Variants in RFX2 observed in about 807,000 individuals in gnomAD.
RFX2 encodes DNA-binding protein RFX2.
A neutral mutation model predicts 87.8 loss-of-function variants in RFX2; 20 were observed. The ratio of observed to expected loss-of-function variants is 0.23; its 90% CI spans 0.16 to 0.33. The LOEUF (loss-of-function observed/expected upper bound fraction) is 0.33. Ranked by LOEUF, RFX2 falls within the 10% of genes least tolerant of loss-of-function variation. RFX2 has a pLI of 1.00. For synonymous variants in RFX2, 397 were observed against 431.3 expected (o/e 0.92, Z 0.98); for missense variants, 767 against 1,012.3 (o/e 0.76, Z 3.29).
chr19:6,080,964 A>G (rs1021308090), intron 1 of RFX2, among the ~76,000 whole-genome samples: 10 of 148,674 alleles, frequency 6.7e-5, no homozygotes, highest in Non-Finnish European at 1.0e-4. Flanking sequence ...TGAACCTGGG[A>G]GGTGAAGGTT....
chr19:6,009,994 CT>C, intron 9 of RFX2, 141 bp downstream of exon 9: 1 of 516,968 alleles, frequency 1.9e-6, no homozygotes, highest in Non-Finnish European at 3.4e-6. Context: ...TTATCGAAAA[CT>C]TTCTATTTGT....
rs1049741893 is a variant in RFX2 at position 5,998,079 on chromosome 19, G to T, written c.1860-866C>A. Reference sequence around the variant, plus strand: ...TCCCAGCACTTTGGGAGGCCAGGGCGGGCAGATCACTTGGGGTCAGGAGTT... The same window carrying T: ...TCCCAGCACTTTGGGAGGCCAGGGCTGGCAGATCACTTGGGGTCAGGAGTT... On this transcript the variant is annotated intron_variant, in intron 15 of 17. Coordinates refer to ENST00000303657, the MANE Select transcript of RFX2 (RefSeq NM_000635.4). The surrounding 1 kb of genome is among the most constrained non-coding windows in gnomAD (Gnocchi z 4.2). Among the ~76,000 whole-genome samples the T allele has an allele frequency of 1.3e-5, 2 of 152,046 alleles. No individual in the cohort carries two copies. The highest frequency in any genetic ancestry group is 4.8e-5 in the African/African-American group (2 of 41,412).
At position 6,061,663 on chromosome 19, in the gene RFX2, T is replaced by C. The variant is rs201703474; in HGVS notation, c.-8-14159A>G. Reference sequence around the variant, plus strand: ...TTGCAACCTCCATTATTTATATAAATAAGAACAAATGCCAAGGGGAATGCC... The same window carrying C: ...TTGCAACCTCCATTATTTATATAAACAAGAACAAATGCCAAGGGGAATGCC... On this transcript the variant is annotated intron_variant, in intron 1 of 17. Transcript: ENST00000303657. This position sits in a 1 kb window ranked among gnomAD's most constrained non-coding sequence, Gnocchi z 5.2. 8.5e-5 allele frequency among the ~76,000 whole-genome samples: 13 copies of C among 152,234 alleles called. No homozygotes were observed. In the East Asian group the frequency reaches 2.5e-3, roughly 29 times the overall value.
At chr19:6,052,568 A>G (rs114406876) in intron 1 of RFX2, among the ~76,000 whole-genome samples, 141 of 152,310 alleles carry the variant, frequency 9.3e-4, no homozygotes, top group Middle Eastern at 3.4e-3. Context: ...CATTTAGAGA[A>G]CACTACAATC....
At chr19:6,073,698 T>C (rs1222413067) in intron 1 of RFX2, among the ~76,000 whole-genome samples, 1 of 152,180 alleles carries the variant, frequency 6.6e-6, no homozygotes. Context: ...TGAAGCTTAC[T>C]GTAGAGTGGA....
chr19:6,093,178 T>C (rs933946606), intron 1 of RFX2, among the ~76,000 whole-genome samples: 18 of 152,246 alleles, frequency 1.2e-4, no homozygotes, highest in Middle Eastern at 3.4e-3. Flanking sequence ...CAAATATATT[T>C]GGACACGGGT....
At position 6,005,394 on chromosome 19, in the gene RFX2, C is replaced by T. The variant is rs575591557; in HGVS notation, c.1403-1096G>A. 1.4e-4 allele frequency among the ~76,000 whole-genome samples: 22 copies of T among 152,314 alleles called. No individual in the cohort carries two copies. In the Middle Eastern group the frequency reaches 0.01, roughly 71 times the overall value. On this transcript the variant is annotated intron_variant, in intron 12 of 17. Coordinates refer to ENST00000303657, the MANE Select transcript of RFX2 (RefSeq NM_000635.4). ...GGCCCGGATGTTTGTGGATGGACTGCGGGGCATGGCCTGTGGTCCTGATGC... is the reference window on the plus strand; with the variant it reads ...GGCCCGGATGTTTGTGGATGGACTGTGGGGCATGGCCTGTGGTCCTGATGC...
At chr19:6,085,614 T>C (rs927654344) in intron 1 of RFX2, among the ~76,000 whole-genome samples, 1 of 152,242 alleles carries the variant, frequency 6.6e-6, no homozygotes, top group Non-Finnish European at 1.5e-5. Context: ...TTTTGAACGC[T>C]GATGGCCTAA....
rs2087093851 is a variant in RFX2 at position 6,040,614 on chromosome 19, C to G, written c.261-373G>C. On this transcript the variant is annotated intron_variant, in intron 4 of 17. Coordinates refer to ENST00000303657, the MANE Select transcript of RFX2 (RefSeq NM_000635.4). The surrounding 1 kb of genome is among the most constrained non-coding windows in gnomAD (Gnocchi z 6.1). ...TCTCTACAAAAAATAAAAGATTTAG[C>G]CAGGTGTGGTGGTGCGTGCCGGTAG... is the stretch of plus-strand genomic sequence containing the variant. 6.6e-6 allele frequency among the ~76,000 whole-genome samples: 1 copy of G among 152,048 alleles called. No individual in the cohort carries two copies. The highest frequency in any genetic ancestry group is 2.1e-4 in the South Asian group (1 of 4,834).
chr19:6,099,515 ATTTT>A (rs565382038), intron 1 of RFX2, among the ~76,000 whole-genome samples: 1 of 146,426 alleles, frequency 6.8e-6, no homozygotes, highest in Non-Finnish European at 1.5e-5. Context: ...GGGCTGCGTG[ATTTT>A]TTTTTTTTTA....
Position 6,013,192 on chromosome 19 carries a change from T to C in RFX2, c.780-87A>G. The stretch of plus-strand genomic sequence containing the variant: ...TGGGATTCTTTTTCTTTCTTTCTTC[T>C]TTTTTTTTTTTGAGACAGAATCTCA... On this transcript the variant is annotated intron_variant, in intron 7 of 17. Coordinates refer to ENST00000303657, the MANE Select transcript of RFX2 (RefSeq NM_000635.4). This position sits in a 1 kb window ranked among gnomAD's most constrained non-coding sequence, Gnocchi z 4.1. 6 of 443,100 alleles carry C rather than the reference T, an allele frequency of 1.4e-5. No homozygotes were observed. The highest frequency in any genetic ancestry group is 4.9e-4 in the Middle Eastern group (1 of 2,040). 27.4% of individuals were successfully genotyped at this position (443,100 alleles called of 1,614,324 possible).
chr19:6,010,564 T>C lies in RFX2; in HGVS notation c.900-313A>G, dbSNP rs2086648025. ...TGTCCCCAGCCCCTGGCACCCCTGA[T>C]CTGACTTCCCGTCTCTGTGAATCTG... is the stretch of plus-strand genomic sequence containing the variant. On this transcript the variant is annotated intron_variant, in intron 8 of 17. Coordinates refer to ENST00000303657, the MANE Select transcript of RFX2 (RefSeq NM_000635.4). This position sits in a 1 kb window ranked among gnomAD's most constrained non-coding sequence, Gnocchi z 5.0. Among the ~76,000 whole-genome samples the C allele has an allele frequency of 1.3e-5, 2 of 152,122 alleles. No homozygotes were observed. Among genetic ancestry groups the C allele is most frequent in the Non-Finnish European group, 2.9e-5 (2 of 68,018 alleles).
chr19:6,023,410 AC>A lies in RFX2; in HGVS notation c.597+2752del, dbSNP rs756365764. Among the ~76,000 whole-genome samples, 2 of 152,114 alleles carry A rather than the reference AC, an allele frequency of 1.3e-5. No homozygotes were observed. Among genetic ancestry groups the A allele is most frequent in the Non-Finnish European group, 2.9e-5 (2 of 68,024 alleles). Reference sequence around the variant, plus strand: ...GGGACAATCGTTGCAAGGGCACGTCACCCCGTCCATCAGCAGATCACGTGCT... The same window carrying A: ...GGGACAATCGTTGCAAGGGCACGTCACCCGTCCATCAGCAGATCACGTGCT... On this transcript the variant is annotated intron_variant, in intron 6 of 17. Transcript: ENST00000303657. The surrounding 1 kb of genome is among the most constrained non-coding windows in gnomAD (Gnocchi z 4.9).
chr19:6,093,041 G>T (rs138314779), intron 1 of RFX2, among the ~76,000 whole-genome samples: 3 of 152,258 alleles, frequency 2.0e-5, no homozygotes, highest in African/African-American at 7.2e-5. Flanking sequence ...GACAAAAGTG[G>T]AAAGTCACCT....
intron 1 of RFX2, among the ~76,000 whole-genome samples, chr19:6,053,402 C>G (rs1283959965): frequency 6.6e-6 from 1 of 152,152 alleles, no homozygotes; most frequent in Non-Finnish European, 1.5e-5. Flanking sequence ...CTGTATGGCA[C>G]TATAATGGTG....
chr19:6,042,015 C>T lies in RFX2; in HGVS notation c.260+29G>A, dbSNP rs765146592. 50 of 1,597,686 alleles carry T rather than the reference C, an allele frequency of 3.1e-5. 1 individual carries two copies. Among genetic ancestry groups the T allele is most frequent in the South Asian group, 2.8e-4 (25 of 90,724 alleles). On this transcript the variant is annotated intron_variant, in intron 4 of 17. Transcript: ENST00000303657. Reference sequence around the variant, plus strand: ...AAGGCTGGAGTCAGGGAGAGGGTTCCGGGTGTGGCCCGCGGGAGAAGCACG... The same window carrying T: ...AAGGCTGGAGTCAGGGAGAGGGTTCTGGGTGTGGCCCGCGGGAGAAGCACG...
chr19:5,997,709 G>A lies in RFX2; in HGVS notation c.1860-496C>T, dbSNP rs925580011. ...CAGGCACCTAAAAACAAGACAAAAA[G>A]CCAGGGTGCTTTAGTCTCTGTCAGC... On this transcript the variant is annotated intron_variant, in intron 15 of 17. Transcript: ENST00000303657. The surrounding 1 kb of genome is among the most constrained non-coding windows in gnomAD (Gnocchi z 4.2). 1.3e-5 allele frequency among the ~76,000 whole-genome samples: 2 copies of A among 152,132 alleles called. No homozygotes were observed. Among genetic ancestry groups the A allele is most frequent in the African/African-American group, 4.8e-5 (2 of 41,408 alleles).
At chr19:6,097,207 T>C (rs2088042845) in intron 1 of RFX2, among the ~76,000 whole-genome samples, 1 of 152,174 alleles carries the variant, frequency 6.6e-6, no homozygotes, top group Non-Finnish European at 1.5e-5. Flanking sequence ...AGCCTTGGAC[T>C]AGACCCTGGG....
chr19:6,102,801 G>A (rs944471679), intron 1 of RFX2, among the ~76,000 whole-genome samples: 10 of 152,120 alleles, frequency 6.6e-5, no homozygotes, highest in Non-Finnish European at 4.4e-5. Context: ...TGTCTCTACT[G>A]TTCAATTTTT....
Sources: gnomAD v4.1 joint callset for allele counts (sites outside exome capture counted in the v4.1 genomes callset) on GRCh38, gnomAD v4.1.1 for gene constraint, Gnocchi (gnomAD v3.1) non-coding constraint, MANE v1.5 for transcripts, NCBI Gene and HGNC (gene_info 2026-07-23, HGNC 2026-07-21) for gene names.